HMGB1: variants seen among roughly 807,000 people sequenced by gnomAD.
HMGB1 encodes high mobility group protein B1.
For missense variants in HMGB1, 79 were observed against 253.5 expected (o/e 0.31, Z 4.67); for synonymous variants, 81 against 84.0 (o/e 0.96, Z 0.19).
At chr13:30,608,305 C>A (rs1566039385) in intron 1 of HMGB1, among the ~76,000 whole-genome samples, 1 of 151,916 alleles carries the variant, frequency 6.6e-6, no homozygotes, top group Non-Finnish European at 1.5e-5. Flanking sequence ...TGTTACATAA[C>A]AAAATATAAC....
intron 1 of HMGB1, among the ~76,000 whole-genome samples, chr13:30,612,488 T>TCTAA (rs1271887156): frequency 1.8e-4 from 28 of 152,218 alleles, no homozygotes; most frequent in African/African-American, 6.5e-4. Context: ...CTAAAGCATA[T>TCTAA]CTAACCTTCT....
rs575166178 is a variant in HMGB1, at chr13:30,461,396, T to A, written c.609A>T (p.Glu203Asp). The A allele has an allele frequency of 6.4e-7, 1 of 1,574,258 alleles. No homozygotes were observed. Among genetic ancestry groups the A allele is most frequent in the Non-Finnish European group, 8.6e-7 (1 of 1,166,822 alleles). ...CATCTTCTTCTTCATCTTCATCTTC[T>A]TCATCTTCCTCCTCCTCCTCATCCT... ...DEEDEEEEED[E>D]EDEDEEEDDD... Residue 203 changes from glutamate (E) to aspartate (D), a missense_variant, in exon 5 of 5, where the codon GAA (glutamate) becomes GAT (aspartate). Glu to Asp is a conservative substitution (Grantham distance 45). Transcript: ENST00000341423.
At chr13:30,557,564 T>A (rs2137520433) in intron 1 of HMGB1, among the ~76,000 whole-genome samples, 1 of 152,328 alleles carries the variant, frequency 6.6e-6, no homozygotes, top group Admixed American at 6.5e-5. Flanking sequence ...ACTCTTACAC[T>A]TACAGATTCA....
intron 1 of HMGB1, among the ~76,000 whole-genome samples, chr13:30,578,057 G>C (rs1870735728): frequency 6.6e-6 from 1 of 151,992 alleles, no homozygotes; most frequent in Non-Finnish European, 1.5e-5. Context: ...AGCAGCAAGA[G>C]ACTCCGTGCA....
At chr13:30,548,881 GT>G (rs1192247066) in intron 1 of HMGB1, among the ~76,000 whole-genome samples, 1 of 152,206 alleles carries the variant, frequency 6.6e-6, no homozygotes, top group Non-Finnish European at 1.5e-5. Context: ...AAAGGACATT[GT>G]GCAGACAGCT....
At chr13:30,524,897 T>C (rs1209221463) in intron 1 of HMGB1, among the ~76,000 whole-genome samples, 1 of 152,180 alleles carries the variant, frequency 6.6e-6, no homozygotes, top group Non-Finnish European at 1.5e-5. Context: ...ATTGGAACCT[T>C]GCCTGTGGTT....
chr13:30,613,669 C>A (rs1362415835), intron 1 of HMGB1, among the ~76,000 whole-genome samples: 1 of 152,036 alleles, frequency 6.6e-6, no homozygotes, highest in African/African-American at 2.4e-5. Context: ...GCTCTCAGGG[C>A]TCACATGAAA....
intron 1 of HMGB1, chr13:30,554,653 C>T: frequency 1.3e-6 from 1 of 771,768 alleles, no homozygotes; most frequent in Non-Finnish European, 2.4e-6. Context: ...TGACAGGTGA[C>T]CGATGTACAG....
chr13:30,555,950 G>A (rs559955337), intron 1 of HMGB1, among the ~76,000 whole-genome samples: 7 of 152,314 alleles, frequency 4.6e-5, no homozygotes, highest in African/African-American at 1.7e-4. Flanking sequence ...TATATGCTTA[G>A]TGGGAAATGA....
intron 1 of HMGB1, among the ~76,000 whole-genome samples, chr13:30,474,326 G>GT (rs1887016136): frequency 6.6e-6 from 1 of 152,166 alleles, no homozygotes; most frequent in Admixed American, 6.6e-5. Flanking sequence ...TGTTCATGGT[G>GT]TTTAACACCT....
At chr13:30,519,361 C>G (rs1888176715) in intron 1 of HMGB1, among the ~76,000 whole-genome samples, 1 of 142,986 alleles carries the variant, frequency 7.0e-6, no homozygotes, top group Admixed American at 7.3e-5. Context: ...CCACTGCACT[C>G]TAGCCTGAGT....
chr13:30,539,087 C>T (rs999054883), intron 1 of HMGB1, among the ~76,000 whole-genome samples: 1 of 151,976 alleles, frequency 6.6e-6, no homozygotes, highest in Admixed American at 6.6e-5. Context: ...AGTAGAGATG[C>T]GGTTTCACCA....
At chr13:30,602,154 C>T (rs1304547235) in intron 1 of HMGB1, among the ~76,000 whole-genome samples, 2 of 152,062 alleles carry the variant, frequency 1.3e-5, no homozygotes, top group Non-Finnish European at 2.9e-5. Context: ...ACCACAGCCT[C>T]AGACATGTCA....
intron 1 of HMGB1, among the ~76,000 whole-genome samples, chr13:30,547,079 C>T (rs1449478923): frequency 6.6e-6 from 1 of 152,236 alleles, no homozygotes; most frequent in Non-Finnish European, 1.5e-5. Flanking sequence ...CTGAAGTCCT[C>T]CTGAGATGTT....
At chr13:30,565,733 A>C (rs367906468) in intron 1 of HMGB1, among the ~76,000 whole-genome samples, 3 of 151,998 alleles carry the variant, frequency 2.0e-5, no homozygotes, top group East Asian at 3.9e-4. Flanking sequence ...TCTGATATTT[A>C]CTCTCTGGCT....
intron 1 of HMGB1, among the ~76,000 whole-genome samples, chr13:30,615,771 G>A (rs764371578): frequency 3.3e-5 from 5 of 152,166 alleles, no homozygotes; most frequent in Admixed American, 6.5e-5. Flanking sequence ...GAAGGTGCAC[G>A]AGCTGACATC....
intron 4 of HMGB1, 29 bp from the exon 5 acceptor site, chr13:30,461,562 T>C (rs1335648369): frequency 1.3e-6 from 2 of 1,571,144 alleles, no homozygotes; most frequent in Non-Finnish European, 1.7e-6. Flanking sequence ...GATAAAACAG[T>C]AGGGAAGAAA....
intron 1 of HMGB1, among the ~76,000 whole-genome samples, chr13:30,533,383 G>A (rs1479493260): frequency 6.6e-6 from 1 of 152,086 alleles, no homozygotes. Flanking sequence ...TGTTGTTTTT[G>A]AGACAGAGTC....
At chr13:30,597,457 T>G (rs1307332122) in intron 1 of HMGB1, among the ~76,000 whole-genome samples, 1 of 152,310 alleles carries the variant, frequency 6.6e-6, no homozygotes, top group Admixed American at 6.5e-5. Flanking sequence ...AAATAAATTT[T>G]TGTTGTTCAA....
Sources: gnomAD v4.1 joint callset for allele counts (sites outside exome capture counted in the v4.1 genomes callset) on GRCh38, gnomAD v4.1.1 for gene constraint, MANE v1.5 for transcripts, NCBI Gene and HGNC (gene_info 2026-07-23, HGNC 2026-07-21) for gene names.